Variants in RPA3 observed in about 807,000 individuals in gnomAD.
RPA3 encodes the protein replication protein A 14 kDa subunit.
In RPA3, 24 loss-of-function variants were observed where a neutral mutation model predicts 13.7. The ratio of observed to expected loss-of-function variants is 1.75; its 90% CI spans 1.27 to 2.46. RPA3 has a LOEUF of 2.46. Ranked by LOEUF, RPA3 falls within the 30% of genes most tolerant of loss-of-function variation. The pLI, the probability that RPA3 is intolerant of heterozygous loss-of-function variation, is 0.00. For synonymous variants in RPA3, 59 were observed against 51.2 expected (o/e 1.15, Z -0.65); for missense variants, 183 against 151.0 (o/e 1.21, Z -1.11).
At chr7:7,661,074 C>G (rs1418456677) in intron 4 of RPA3, among the ~76,000 whole-genome samples, 1 of 151,748 alleles carries the variant, frequency 6.6e-6, no homozygotes, top group Non-Finnish European at 1.5e-5. Context: ...GATCTTTAAT[C>G]TCTGATATCC....
chr7:7,670,383 A>G lies in RPA3; in HGVS notation c.-758+15447T>C, dbSNP rs761070621. Among the ~76,000 whole-genome samples, 4 of 152,168 alleles carry G rather than the reference A, an allele frequency of 2.6e-5. No homozygotes were observed. In the South Asian group the frequency reaches 8.3e-4, roughly 32 times the overall value. On this transcript the variant is annotated intron_variant, in intron 4 of 7. Coordinates refer to ENST00000223129, the MANE Select transcript of RPA3 (RefSeq NM_002947.5). ...TATACAAAAGTTCTTGTAGCACTCT[A>G]ATGGCATGTGGCACAGTGAACAAGG...
chr7:7,645,950 A>G (rs1462743038), intron 4 of RPA3, among the ~76,000 whole-genome samples: 3 of 152,226 alleles, frequency 2.0e-5, no homozygotes, highest in African/African-American at 4.8e-5. Context: ...GGGACTTGGA[A>G]CCAGGGTGTG....
At chr7:7,666,797 T>A (rs1363748489) in intron 4 of RPA3, among the ~76,000 whole-genome samples, 4 of 152,044 alleles carry the variant, frequency 2.6e-5, no homozygotes, top group African/African-American at 7.3e-5. Context: ...TTTGGACAGA[T>A]GAATTTATTT....
At position 7,636,881 on chromosome 7, in the gene RPA3, A is replaced by G; in HGVS notation, c.*119T>C. The G allele has an allele frequency of 1.3e-6, 1 of 774,590 alleles. No individual in the cohort carries two copies. The highest frequency in any genetic ancestry group is 2.2e-6 in the Non-Finnish European group (1 of 455,520). The allele number at this position is 774,590 out of a possible 1,614,324, so 48.0% of individuals were successfully genotyped here. A position where few individuals can be genotyped will look rare whatever the true frequency, so the allele number is the denominator to read the frequency against. ...TCCATCAAAAACTCTAGGTTGGAAT[A>G]TCTTAAAAACAGCAAATTAAATATG... is the stretch of plus-strand genomic sequence containing the variant. On this transcript the variant is annotated 3_prime_UTR_variant, in exon 8 of 8. Transcript: ENST00000223129.
chr7:7,686,138 G>C (rs999670369), intron 3 of RPA3, 140 bp from the exon 4 acceptor site: 2 of 152,126 alleles, frequency 1.3e-5, no homozygotes, highest in Non-Finnish European at 2.9e-5. Flanking sequence ...AGAATTGCTG[G>C]AATAATTATT....
chr7:7,712,375 A>G (rs544269733), intron 2 of RPA3, among the ~76,000 whole-genome samples: 1 of 152,176 alleles, frequency 6.6e-6, no homozygotes, highest in Non-Finnish European at 1.5e-5. Context: ...AGGTTTCCTT[A>G]ATACATTTTT....
chr7:7,703,872 G>A (rs999447214), intron 2 of RPA3, among the ~76,000 whole-genome samples: 1 of 152,104 alleles, frequency 6.6e-6, no homozygotes, highest in Non-Finnish European at 1.5e-5. Context: ...AGCCTGGGAG[G>A]TTGAGGTTGC....
intron 2 of RPA3, among the ~76,000 whole-genome samples, chr7:7,705,105 G>T (rs908170097): frequency 6.6e-6 from 1 of 152,118 alleles, no homozygotes; most frequent in African/African-American, 2.4e-5. Flanking sequence ...CTCCTGTTCT[G>T]ACATGTTGTA....
At chr7:7,707,463 A>G (rs1172957039) in intron 2 of RPA3, among the ~76,000 whole-genome samples, 3 of 152,190 alleles carry the variant, frequency 2.0e-5, no homozygotes, top group Non-Finnish European at 4.4e-5. Flanking sequence ...TGTTGAACGT[A>G]TGTTCCATTT....
chr7:7,701,127 T>C (rs1374271254), intron 2 of RPA3, among the ~76,000 whole-genome samples: 2 of 152,192 alleles, frequency 1.3e-5, no homozygotes, highest in Non-Finnish European at 2.9e-5. Flanking sequence ...TCCAGTTGTG[T>C]ATTAGACATT....
intron 4 of RPA3, among the ~76,000 whole-genome samples, chr7:7,685,520 G>T (rs1237585166): frequency 1.3e-5 from 2 of 152,048 alleles, no homozygotes; most frequent in East Asian, 1.9e-4. Context: ...CTTTGGCCAG[G>T]ATGGTCTCCA....
chr7:7,665,489 A>G (rs960172095), intron 4 of RPA3, among the ~76,000 whole-genome samples: 37 of 152,248 alleles, frequency 2.4e-4, no homozygotes, highest in Admixed American at 2.3e-3. Context: ...TAAAACTTAC[A>G]TGTGACATCT....
At chr7:7,711,944 G>A (rs1043758062) in intron 2 of RPA3, among the ~76,000 whole-genome samples, 31 of 151,998 alleles carry the variant, frequency 2.0e-4, no homozygotes, top group African/African-American at 6.5e-4. Context: ...GTGGTATAGC[G>A]ATCCGATTTT....
chr7:7,640,273 T>C, intron 5 of RPA3, 47 bp downstream of exon 5: 1 of 1,586,976 alleles, frequency 6.3e-7, no homozygotes. Context: ...GCGGGGTCCC[T>C]CCCTCCAGCT....
chr7:7,652,268 C>T (rs1785240043), intron 4 of RPA3, among the ~76,000 whole-genome samples: 1 of 152,182 alleles, frequency 6.6e-6, no homozygotes. Flanking sequence ...AAGCAGTATA[C>T]TCTTGGTCGA....
chr7:7,661,793 C>A (rs1473210264), intron 4 of RPA3, among the ~76,000 whole-genome samples: 1 of 152,154 alleles, frequency 6.6e-6, no homozygotes, highest in Non-Finnish European at 1.5e-5. Context: ...GTCAGGGACC[C>A]ACTTGAGGAG....
At chr7:7,682,173 A>G (rs1392460721) in intron 4 of RPA3, among the ~76,000 whole-genome samples, 1 of 152,170 alleles carries the variant, frequency 6.6e-6, no homozygotes, top group African/African-American at 2.4e-5. Flanking sequence ...GGGCATAAGA[A>G]CTTCTAGTTT....
intron 1 of RPA3, among the ~76,000 whole-genome samples, chr7:7,715,668 G>GA (rs1186791834): frequency 1.3e-5 from 2 of 151,854 alleles, no homozygotes; most frequent in Admixed American, 6.6e-5. Flanking sequence ...CAAATTTCCA[G>GA]AAAAAAATGA....
At chr7:7,688,488 C>T (rs1288883054) in intron 2 of RPA3, among the ~76,000 whole-genome samples, 2 of 152,138 alleles carry the variant, frequency 1.3e-5, no homozygotes, top group African/African-American at 4.8e-5. Context: ...TTGCCCTCAG[C>T]CCCGTGTTTC....
Sources: gnomAD v4.1 joint callset for allele counts (sites outside exome capture counted in the v4.1 genomes callset) on GRCh38, gnomAD v4.1.1 for gene constraint, MANE v1.5 for transcripts, NCBI Gene and HGNC (gene_info 2026-07-23, HGNC 2026-07-21) for gene names.